Variants in BICRA observed in about 807,000 individuals in gnomAD.
BICRA encodes BRD4-interacting chromatin-remodeling complex-associated protein.
A neutral mutation model predicts 96.9 loss-of-function variants in BICRA; 31 were observed. The observed-to-expected ratio is 0.32, with a 90% CI of 0.24 to 0.43. BICRA has a LOEUF of 0.43. Ranked by LOEUF, BICRA falls within the 20% of genes least tolerant of loss-of-function variation. The pLI is 1.00. For synonymous variants in BICRA, 1,350 were observed against 1,071.8 expected (o/e 1.26, Z -5.07); for missense variants, 2,283 against 2,190.3 (o/e 1.04, Z -0.84).
chr19:47,677,454 T>C (rs1972958698), intron 5 of BICRA, among the ~76,000 whole-genome samples: 1 of 152,324 alleles, frequency 6.6e-6, no homozygotes, highest in Admixed American at 6.5e-5. Context: ...CCCAGCACTT[T>C]GGGAGGCCGA....
intron 11 of BICRA, among the ~76,000 whole-genome samples, chr19:47,697,101 C>A (rs1304910909): frequency 1.3e-5 from 2 of 151,884 alleles, no homozygotes; most frequent in Admixed American, 1.3e-4. Flanking sequence ...CCGCCTCCCC[C>A]GTTCATGTGA....
At position 47,698,531 on chromosome 19, in the gene BICRA, T is replaced by TG. The variant is rs1973384183; in HGVS notation, c.3249-102dup. 1.5e-6 allele frequency: 1 copy of TG among 686,988 alleles called. No homozygotes were observed. Among genetic ancestry groups the TG allele is most frequent in the Non-Finnish European group, 2.7e-6 (1 of 373,532 alleles). The allele number at this position is 686,988 out of a possible 1,614,324, so 42.6% of individuals were successfully genotyped here. ...CCAAGTATTCCCCTTCCCGCTGTTG[T>TG]GTTCAGTTGCGGCCTGGGGCTGAGG... On this transcript the variant is annotated intron_variant, in intron 11 of 14. Transcript: ENST00000594866. The surrounding 1 kb of genome is among the most constrained non-coding windows in gnomAD (Gnocchi z 4.8).
chr19:47,620,156 CGT>C (rs1372875667), intron 1 of BICRA, among the ~76,000 whole-genome samples: 4 of 152,174 alleles, frequency 2.6e-5, no homozygotes, highest in Non-Finnish European at 4.4e-5. Flanking sequence ...AATTCTTTCC[CGT>C]GAGTATTTCT....
rs1973005776 is a variant in BICRA at position 47,679,931 on chromosome 19, C to A, written c.761C>A (p.Ala254Asp). 2 of 1,514,132 alleles carry A rather than the reference C, an allele frequency of 1.3e-6. No individual in the cohort carries two copies. The highest frequency in any genetic ancestry group is 1.4e-5 in the African/African-American group (1 of 70,734). 93.8% of individuals were successfully genotyped at this position (1,514,132 alleles called of 1,614,324 possible). The change falls in exon 6 of 15, where the codon GCC becomes GAC. Residue 254 changes from alanine to aspartate, a missense_variant. Ala to Asp is a moderately radical substitution (Grantham distance 126). Coordinates refer to ENST00000594866, the MANE Select transcript of BICRA (RefSeq NM_001394372.1). ...AACACGCCCACCTCCCAGCTCCTGG[C>A]CAAGCAGGTGCCCGTCAGCGGCTAC... is the stretch of plus-strand genomic sequence containing the variant. Reference protein sequence around the residue: ...ALNTPTSQLLAKQVPVSGYLA... With the variant: ...ALNTPTSQLLDKQVPVSGYLA...
intron 1 of BICRA, among the ~76,000 whole-genome samples, chr19:47,632,490 C>T (rs891947425): frequency 1.7e-4 from 26 of 152,174 alleles, no homozygotes; most frequent in Non-Finnish European, 2.6e-4. Context: ...TGGCTGAAGG[C>T]GGCCTGGCAC....
chr19:47,621,523 G>T (rs1415934991), intron 1 of BICRA, among the ~76,000 whole-genome samples: 1 of 151,024 alleles, frequency 6.6e-6, no homozygotes, highest in Non-Finnish European at 1.5e-5. Context: ...GCCCAGGCTG[G>T]AGTGCAATGG....
chr19:47,626,018 T>G (rs1972133904), intron 1 of BICRA: 1 of 152,056 alleles, frequency 6.6e-6, no homozygotes, highest in Non-Finnish European at 1.5e-5. Context: ...GGAATCTGCT[T>G]AGAGGCCACA....
At chr19:47,684,788 A>C (rs943663519) in intron 7 of BICRA, among the ~76,000 whole-genome samples, 56 of 152,256 alleles carry the variant, frequency 3.7e-4, no homozygotes, top group African/African-American at 1.3e-3. Flanking sequence ...TGCTGGAAAC[A>C]CCTGAAGTCT....
intron 1 of BICRA, among the ~76,000 whole-genome samples, chr19:47,633,236 C>T (rs556309345): frequency 1.4e-4 from 21 of 151,912 alleles, no homozygotes; most frequent in African/African-American, 4.3e-4. Context: ...CCCGCCACCA[C>T]GCCCGACTAA....
intron 1 of BICRA, among the ~76,000 whole-genome samples, chr19:47,629,957 G>A (rs1238625081): frequency 1.3e-5 from 2 of 152,090 alleles, no homozygotes; most frequent in African/African-American, 2.4e-5. Context: ...CACGGCGCCC[G>A]GCCACCCATT....
chr19:47,698,964 G>T lies in BICRA; in HGVS notation c.3398-1G>T. The T allele has an allele frequency of 6.4e-7, 1 of 1,573,826 alleles. No individual in the cohort carries two copies. ...CCTTGCCTCTCTTCCCTTCCTCGCA[G>T]TGGACGAGGAGTTTGAGACGGTCTC... On this transcript the variant is annotated splice_acceptor_variant, in intron 12 of 14. Transcript: ENST00000594866. LOFTEE classifies it high-confidence loss of function. This position sits in a 1 kb window ranked among gnomAD's most constrained non-coding sequence, Gnocchi z 4.8.
rs1460251214 is a variant in BICRA, at chr19:47,679,638, C to T, written c.468C>T (p.Pro156=). 1 of 1,512,774 alleles carries T rather than the reference C, an allele frequency of 6.6e-7. No homozygotes were observed. The highest frequency in any genetic ancestry group is 1.4e-5 in the African/African-American group (1 of 71,870). The allele number at this position is 1,512,774 out of a possible 1,614,324, so 93.7% of individuals were successfully genotyped here. A position where few individuals can be genotyped will look rare whatever the true frequency, so the allele number is the denominator to read the frequency against. The change falls in exon 6 of 15, where the codon CCC becomes CCT. Residue 156 remains proline (P), a synonymous_variant. Transcript: ENST00000594866. ...AGGAAAVAAG[P]QALFPGSTDL... is the part of the protein sequence containing the mutation. ...GGGCAGCGGCCGTGGCTGCGGGGCCCCAAGCCCTCTTCCCAGGCAGCACCG... is the reference window on the plus strand; with the variant it reads ...GGGCAGCGGCCGTGGCTGCGGGGCCTCAAGCCCTCTTCCCAGGCAGCACCG...
chr19:47,658,631 CA>C (rs3074083), intron 1 of BICRA, among the ~76,000 whole-genome samples: 4,978 of 97,058 alleles, frequency 0.051, 41 homozygotes, highest in Non-Finnish European at 0.066. Flanking sequence ...GACTTCGTCT[CA>C]AAAAAAAAAA....
intron 1 of BICRA, among the ~76,000 whole-genome samples, chr19:47,626,717 GTTTTT>G (rs35347398): frequency 0.012 from 1,199 of 101,244 alleles, 22 homozygotes; most frequent in African/African-American, 0.044. Flanking sequence ...TGCATCCTGG[GTTTTT>G]TTTTTTTTTT....
chr19:47,701,489 G>T lies in BICRA; in HGVS notation c.3757G>T (p.Ala1253Ser), dbSNP rs1041882733. Reference sequence around the variant, plus strand: ...CAAGCTTGTGATCCGGCACGGCGGGGCAGGCGGCTCCCCTTCGGTCACCTG... The same window carrying T: ...CAAGCTTGTGATCCGGCACGGCGGGTCAGGCGGCTCCCCTTCGGTCACCTG... Reference protein sequence around the residue: ...PTKLVIRHGGAGGSPSVTWAR... With the variant: ...PTKLVIRHGGSGGSPSVTWAR... The change falls in exon 15 of 15, where the codon GCA becomes TCA. Residue 1253 changes from alanine to serine, a missense_variant. By Grantham distance (99) the Ala-to-Ser change is moderately conservative. Transcript: ENST00000594866. This position sits in a 1 kb window ranked among gnomAD's most constrained non-coding sequence, Gnocchi z 5.4. 2.6e-6 allele frequency: 4 copies of T among 1,549,706 alleles called. No homozygotes were observed. The African/African-American group carries it at 5.5e-5, about 21-fold the overall frequency.
chr19:47,650,875 C>T (rs968171861), intron 1 of BICRA, among the ~76,000 whole-genome samples: 2 of 152,134 alleles, frequency 1.3e-5, no homozygotes, highest in East Asian at 1.9e-4. Context: ...ACACCATCCG[C>T]CCAGCCCGCA....
intron 5 of BICRA, among the ~76,000 whole-genome samples, chr19:47,676,549 TCCCC>T (rs1327216376): frequency 1.2e-5 from 1 of 81,812 alleles, no homozygotes; most frequent in South Asian, 5.7e-4. Context: ...CACCTTTTCC[TCCCC>T]CCACCTTCCT....
intron 1 of BICRA, among the ~76,000 whole-genome samples, chr19:47,627,989 C>T (rs541212787): frequency 1.3e-5 from 2 of 152,196 alleles, no homozygotes; most frequent in East Asian, 1.9e-4. Flanking sequence ...AGGCTGGTCT[C>T]GAACCCCTGA....
chr19:47,613,603 C>T (rs998770080), intron 1 of BICRA, among the ~76,000 whole-genome samples: 1 of 152,264 alleles, frequency 6.6e-6, no homozygotes, highest in South Asian at 2.1e-4. Context: ...AGAAGAATTG[C>T]CCCCTCCTTA....
Sources: allele counts gnomAD v4.1 joint callset (sites outside exome capture counted in the v4.1 genomes callset), GRCh38; gene constraint gnomAD v4.1.1; non-coding constraint Gnocchi (gnomAD v3.1); transcripts MANE v1.5; gene names NCBI Gene and HGNC (gene_info 2026-07-23, HGNC 2026-07-21).